Variants in THSD7A observed in about 807,000 individuals in gnomAD.
The protein encoded by THSD7A is thrombospondin type 1 domain containing 7A, also known as thrombospondin type-1 domain-containing protein 7A.
Under a neutral mutation model 231.3 loss-of-function variants are expected in THSD7A, and 96 were observed. The observed-to-expected ratio is 0.41, with a 90% confidence interval of 0.35 to 0.49. THSD7A has a LOEUF of 0.49. Ranked by LOEUF, THSD7A falls within the 20% of genes least tolerant of loss-of-function variation. The pLI, the probability that THSD7A is intolerant of heterozygous loss-of-function variation, is 0.05. For missense variants in THSD7A, 2,290 were observed against 2,070.2 expected (o/e 1.11, Z -2.06); for synonymous variants, 940 against 743.3 (o/e 1.26, Z -4.30).
At chr7:11,407,123 G>A in intron 20 of THSD7A, 68 bp from the exon 21 acceptor site, 1 of 1,573,392 alleles carries the variant, frequency 6.4e-7, no homozygotes, top group South Asian at 1.2e-5. Context: ...ATCTCATTGG[G>A]AGAAGGCATC....
chr7:11,384,162 GT>G (rs1476305298), intron 23 of THSD7A: 1 of 151,472 alleles, frequency 6.6e-6, no homozygotes, highest in African/African-American at 2.4e-5. Flanking sequence ...AATATTATAA[GT>G]TTTCTATTTT....
chr7:11,618,396 T>C (rs183170099), intron 2 of THSD7A, among the ~76,000 whole-genome samples: 38 of 152,282 alleles, frequency 2.5e-4, no homozygotes, highest in Admixed American at 1.7e-3. Flanking sequence ...AGATAAATTG[T>C]GTGTATGTGT....
At chr7:11,496,610 C>G (rs919156637) in intron 6 of THSD7A, among the ~76,000 whole-genome samples, 4 of 152,090 alleles carry the variant, frequency 2.6e-5, no homozygotes, top group African/African-American at 9.7e-5. Context: ...ATCTAATGCA[C>G]TAAGGAACAC....
At chr7:11,516,084 T>G (rs1169594230) in intron 6 of THSD7A, among the ~76,000 whole-genome samples, 4 of 152,152 alleles carry the variant, frequency 2.6e-5, no homozygotes, top group Admixed American at 6.6e-5. Context: ...AATTTGAGAT[T>G]TCTAGGAGCT....
chr7:11,475,857 G>C (rs79624941), intron 7 of THSD7A, among the ~76,000 whole-genome samples: 1,522 of 149,590 alleles, frequency 0.01, 31 homozygotes, highest in African/African-American at 0.035. Flanking sequence ...GCTTGTATAA[G>C]ACAGGTGCAA....
intron 13 of THSD7A, among the ~76,000 whole-genome samples, chr7:11,434,739 G>A (rs1784579410): frequency 6.6e-6 from 1 of 151,726 alleles, no homozygotes; most frequent in African/African-American, 2.4e-5. Context: ...TATCTATTGT[G>A]GTCCTCACAG....
intron 1 of THSD7A, among the ~76,000 whole-genome samples, chr7:11,688,969 G>GA (rs1365378103): frequency 2.6e-5 from 4 of 151,372 alleles, no homozygotes; most frequent in Admixed American, 1.3e-4. Context: ...AAGAAAAATA[G>GA]AAAAAAAAGT....
intron 23 of THSD7A, among the ~76,000 whole-genome samples, chr7:11,393,666 C>T (rs1783071455): frequency 2.0e-5 from 3 of 152,152 alleles, no homozygotes; most frequent in Admixed American, 2.0e-4. Context: ...TAGATAACAG[C>T]ATAAATGACC....
chr7:11,635,889 C>T (rs1175101091), intron 2 of THSD7A, among the ~76,000 whole-genome samples: 1 of 151,866 alleles, frequency 6.6e-6, no homozygotes, highest in African/African-American at 2.4e-5. Flanking sequence ...TGAAGAATTG[C>T]TCATGCTCCA....
At chr7:11,601,319 C>A (rs1171481260) in intron 2 of THSD7A, among the ~76,000 whole-genome samples, 2 of 151,994 alleles carry the variant, frequency 1.3e-5, no homozygotes, top group African/African-American at 4.8e-5. Context: ...ACTCTGGTAA[C>A]CTGATAAAAG....
At chr7:11,673,719 T>A (rs867198563) in intron 1 of THSD7A, among the ~76,000 whole-genome samples, 4 of 152,258 alleles carry the variant, frequency 2.6e-5, no homozygotes, top group Middle Eastern at 3.4e-3. Context: ...AAAACTGGAC[T>A]GGGAAGGGCA....
At chr7:11,694,508 T>G (rs1780329455) in intron 1 of THSD7A, among the ~76,000 whole-genome samples, 1 of 151,594 alleles carries the variant, frequency 6.6e-6, no homozygotes, top group Non-Finnish European at 1.5e-5. Context: ...AGAATACCAA[T>G]GAAAGTGCTT....
intron 4 of THSD7A, among the ~76,000 whole-genome samples, chr7:11,546,537 A>G (rs1276847682): frequency 1.3e-5 from 2 of 152,202 alleles, no homozygotes; most frequent in African/African-American, 2.4e-5. Context: ...CCTCAAGGAC[A>G]TCAAAGAATA....
chr7:11,436,319 T>C (rs1255886496), intron 13 of THSD7A, among the ~76,000 whole-genome samples: 1 of 152,132 alleles, frequency 6.6e-6, no homozygotes, highest in African/African-American at 2.4e-5. Flanking sequence ...TTTCAATCAA[T>C]TAAAATCTAA....
At chr7:11,478,440 C>A (rs1194370159) in intron 7 of THSD7A, among the ~76,000 whole-genome samples, 2 of 152,132 alleles carry the variant, frequency 1.3e-5, no homozygotes, top group Admixed American at 6.6e-5. Context: ...TTGCTCCTCA[C>A]CCAGTTGGGC....
At chr7:11,673,287 A>G (rs901095760) in intron 1 of THSD7A, among the ~76,000 whole-genome samples, 7 of 152,058 alleles carry the variant, frequency 4.6e-5, no homozygotes, top group East Asian at 1.9e-4. Flanking sequence ...CCATCACCCT[A>G]TGGACATTTA....
At chr7:11,470,047 A>T (rs921856727) in intron 8 of THSD7A, 53 bp from the exon 9 acceptor site, 24 of 1,249,690 alleles carry the variant, frequency 1.9e-5, no homozygotes, top group Middle Eastern at 1.9e-4. Context: ...AGAAAATCAG[A>T]TAATTTAATT....
At chr7:11,515,587 A>T (rs1277103090) in intron 6 of THSD7A, among the ~76,000 whole-genome samples, 1 of 152,158 alleles carries the variant, frequency 6.6e-6, no homozygotes, top group Non-Finnish European at 1.5e-5. Context: ...ATCTAGCTAG[A>T]TTTATTACCA....
At chr7:11,488,607 C>G (rs1302220690) in intron 6 of THSD7A, among the ~76,000 whole-genome samples, 1 of 152,042 alleles carries the variant, frequency 6.6e-6, no homozygotes, top group Non-Finnish European at 1.5e-5. Context: ...TTTTACAAAT[C>G]TCGAATCCAT....
Sources: allele counts gnomAD v4.1 joint callset (sites outside exome capture counted in the v4.1 genomes callset), GRCh38; gene constraint gnomAD v4.1.1; transcripts MANE v1.5; gene names NCBI Gene and HGNC (gene_info 2026-07-23, HGNC 2026-07-21).